The following CABS1 variants were observed in gnomAD, a reference collection of about 807,000 sequenced individuals.
The protein encoded by CABS1 is calcium-binding and spermatid-specific protein 1.
For missense variants in CABS1, 500 were observed against 464.3 expected (o/e 1.08, Z -0.71); for synonymous variants, 195 against 169.0 (o/e 1.15, Z -1.19).
At position 70,335,331 on chromosome 4, in the gene CABS1, T is replaced by A; in HGVS notation, c.292T>A (p.Ser98Thr). ...STTHLQKEIT[S>T]LTGTTNSITR... ...AACTCACCTACAGAAAGAAATTACC[T>A]CTCTGACTGGCACTACAAACTCCAT... is the stretch of plus-strand genomic sequence containing the variant. The change falls in exon 1 of 2, where the codon TCT becomes ACT. Residue 98 changes from serine to threonine, a missense_variant. By Grantham distance (58) the Ser-to-Thr change is moderately conservative. Coordinates refer to ENST00000273936, the MANE Select transcript of CABS1 (RefSeq NM_033122.4). 6.2e-7 allele frequency: 1 copy of A among 1,613,744 alleles called. No individual in the cohort carries two copies. The highest frequency in any genetic ancestry group is 8.5e-7 in the Non-Finnish European group (1 of 1,179,872).
chr4:70,336,347 G>A lies in CABS1; in HGVS notation c.*119+1G>A. ...AAATGAAAGAATGTGGGCATTTAAG[G>A]CAAGTATTCGACTCAATAAATGCAG... On this transcript the variant is annotated splice_donor_variant, in intron 1 of 1. Coordinates refer to ENST00000273936, the MANE Select transcript of CABS1 (RefSeq NM_033122.4). LOFTEE classifies it low-confidence loss of function (3UTR_SPLICE). 21 of 1,339,456 alleles carry A rather than the reference G, an allele frequency of 1.6e-5. No individual in the cohort carries two copies. Among genetic ancestry groups the A allele is most frequent in the Non-Finnish European group, 1.9e-5 (19 of 1,006,656 alleles). 83.0% of individuals were successfully genotyped at this position (1,339,456 alleles called of 1,614,324 possible).
rs1459651556 is a variant in CABS1, at chr4:70,335,484, A to T, written c.445A>T (p.Ile149Phe). The change falls in exon 1 of 2, where the codon ATT (isoleucine) becomes TTT (phenylalanine). Residue 149 changes from isoleucine (I) to phenylalanine (F), a missense_variant. Coordinates refer to ENST00000273936, the MANE Select transcript of CABS1 (RefSeq NM_033122.4). The stretch of plus-strand genomic sequence containing the variant: ...AAAAGAAGATATCCTCTTAGCTACC[A>T]TTGACACAGGAGATGCAGAGATCTC... ...IAKEDILLAT[I>F]DTGDAEISIT... 1 of 1,613,600 alleles carries T rather than the reference A, an allele frequency of 6.2e-7. No individual in the cohort carries two copies. The highest frequency in any genetic ancestry group is 8.5e-7 in the Non-Finnish European group (1 of 1,179,806).
In CABS1 at chr4:70,335,301, T is replaced by G; in HGVS notation, c.262T>G (p.Ser88Ala). 1 of 1,613,758 alleles carries G rather than the reference T, an allele frequency of 6.2e-7. No homozygotes were observed. Among genetic ancestry groups the G allele is most frequent in the Non-Finnish European group, 8.5e-7 (1 of 1,179,874 alleles). The change falls in exon 1 of 2, where the codon TCA (serine) becomes GCA (alanine). Residue 88 changes from serine to alanine, a missense_variant. Coordinates refer to ENST00000273936, the MANE Select transcript of CABS1 (RefSeq NM_033122.4). ...EDDMGTDFIK[S>A]TTHLQKEITS... ...TGATATGGGGACCGACTTTATTAAG[T>G]CAACAACTCACCTACAGAAAGAAAT...
Position 70,335,441 on chromosome 4 carries a change from T to G in CABS1, c.402T>G (p.Asp134Glu), listed in dbSNP as rs367634444. Residue 134 changes from aspartate (D) to glutamate (E), a missense_variant, in exon 1 of 2, where the codon GAT (aspartate) becomes GAG (glutamate). Asp to Glu is a conservative substitution (Grantham distance 45). Transcript: ENST00000273936. ...SSPVTTVSLI[D>E]FSTDIAKEDI... ...CAGTTACTACTGTTTCTTTAATAGA[T>G]TTTTCCACTGACATAGCAAAAGAAG... 12 of 1,613,556 alleles carry G rather than the reference T, an allele frequency of 7.4e-6. No individual in the cohort carries two copies. The African/African-American group carries it at 1.6e-4, about 22-fold the overall frequency.
rs1363758511 is a variant in CABS1, at chr4:70,335,783, A to C, written c.744A>C (p.Glu248Asp). The change falls in exon 1 of 2, where the codon GAA becomes GAC. Residue 248 changes from glutamate (E) to aspartate (D), a missense_variant. Transcript: ENST00000273936. ...CCGAAATTGACCTAAGTGTTTTAGAAGATGACACCAGTGCTGTGGCTACAT... is the reference window on the plus strand; with the variant it reads ...CCGAAATTGACCTAAGTGTTTTAGACGATGACACCAGTGCTGTGGCTACAT... The part of the protein sequence containing the change: ...KITEIDLSVL[E>D]DDTSAVATLT... 6.2e-7 allele frequency: 1 copy of C among 1,613,612 alleles called. No individual in the cohort carries two copies. The highest frequency in any genetic ancestry group is 8.5e-7 in the Non-Finnish European group (1 of 1,179,726).
In CABS1 at chr4:70,335,211, A is replaced by G; in HGVS notation, c.172A>G (p.Ser58Gly). The G allele has an allele frequency of 6.2e-7, 1 of 1,613,802 alleles. No homozygotes were observed. Among genetic ancestry groups the G allele is most frequent in the Non-Finnish European group, 8.5e-7 (1 of 1,179,844 alleles). ...TTCAGTAAATGAATATATGCTAGAA[A>G]GCGATTTTTCAACAACTACAGACAA... ...VTSVNEYMLE[S>G]DFSTTTDNKL... Residue 58 changes from serine to glycine, a missense_variant, in exon 1 of 2, where the codon AGC becomes GGC. Ser to Gly is a moderately conservative substitution (Grantham distance 56, BLOSUM62 0). Transcript: ENST00000273936.
rs1335060610 is a variant in CABS1 at position 70,335,290 on chromosome 4, A to C, written c.251A>C (p.Asp84Ala). 1.2e-6 allele frequency: 2 copies of C among 1,613,660 alleles called. No homozygotes were observed. The highest frequency in any genetic ancestry group is 1.7e-6 in the Non-Finnish European group (2 of 1,179,872). The change falls in exon 1 of 2, where the codon GAC (aspartate) becomes GCC (alanine). Residue 84 changes from aspartate (D) to alanine (A), a missense_variant. By Grantham distance (126) the Asp-to-Ala change is moderately radical. Transcript: ENST00000273936. ...KLKSEDDMGT[D>A]FIKSTTHLQK... ...AAATCAGAAGATGATATGGGGACCGACTTTATTAAGTCAACAACTCACCTA... is the reference window on the plus strand; with the variant it reads ...AAATCAGAAGATGATATGGGGACCGCCTTTATTAAGTCAACAACTCACCTA...
At position 70,335,452 on chromosome 4, in the gene CABS1, A is replaced by T. The variant is rs1343894782; in HGVS notation, c.413A>T (p.Asp138Val). ...GTTTCTTTAATAGATTTTTCCACTGACATAGCAAAAGAAGATATCCTCTTA... is the reference window on the plus strand; with the variant it reads ...GTTTCTTTAATAGATTTTTCCACTGTCATAGCAAAAGAAGATATCCTCTTA... ...TTVSLIDFST[D>V]IAKEDILLAT... The change falls in exon 1 of 2, where the codon GAC becomes GTC. Residue 138 changes from aspartate to valine, a missense_variant. Physicochemically the swap from Asp to Val is radical, Grantham distance 152. Transcript: ENST00000273936. 1.2e-6 allele frequency: 2 copies of T among 1,613,694 alleles called. No homozygotes were observed. The highest frequency in any genetic ancestry group is 1.7e-5 in the Admixed American group (1 of 59,960).
chr4:70,336,349 A>G lies in CABS1; in HGVS notation c.*119+3A>G. 7.5e-7 allele frequency: 1 copy of G among 1,337,508 alleles called. No homozygotes were observed. The highest frequency in any genetic ancestry group is 1.0e-6 in the Non-Finnish European group (1 of 1,003,746). The allele number at this position is 1,337,508 out of a possible 1,614,324, so 82.9% of individuals were successfully genotyped here. A position where few individuals can be genotyped will look rare whatever the true frequency, so the allele number is the denominator to read the frequency against. On this transcript the variant is annotated splice_donor_region_variant and intron_variant, in intron 1 of 1. Transcript: ENST00000273936. ...ATGAAAGAATGTGGGCATTTAAGGCAAGTATTCGACTCAATAAATGCAGAT... is the reference window on the plus strand; with the variant it reads ...ATGAAAGAATGTGGGCATTTAAGGCGAGTATTCGACTCAATAAATGCAGAT...
rs752166559 is a variant in CABS1 at position 70,335,838 on chromosome 4, G to C, written c.799G>C (p.Val267Leu). 3 of 1,613,564 alleles carry C rather than the reference G, an allele frequency of 1.9e-6. No homozygotes were observed. Among genetic ancestry groups the C allele is most frequent in the Non-Finnish European group, 2.5e-6 (3 of 1,179,736 alleles). The change falls in exon 1 of 2, where the codon GTG becomes CTG. Residue 267 changes from valine to leucine, a missense_variant. Physicochemically the swap from Val to Leu is conservative, Grantham distance 32. Transcript: ENST00000273936. ...LTDSDEKFIT[V>L]FELTTSAEKD... ...TGACTCTGATGAGAAGTTTATCACT[G>C]TGTTTGAACTCACTACCTCTGCTGA...
chr4:70,336,731 A>T (rs539001967), intron 1 of CABS1, among the ~76,000 whole-genome samples: 2 of 152,076 alleles, frequency 1.3e-5, no homozygotes, highest in Non-Finnish European at 2.9e-5. Context: ...CTTCTATTTA[A>T]AAAATTTTTA....
chr4:70,336,719 CTCT>C (rs1731736508), intron 1 of CABS1, among the ~76,000 whole-genome samples: 1 of 151,900 alleles, frequency 6.6e-6, no homozygotes, highest in South Asian at 2.1e-4. Context: ...ATCAGTGATT[CTCT>C]TCTATTTAAA....
Position 70,335,170 on chromosome 4 carries a change from AAGG to A in CABS1, c.134_136del (p.Gly45del). The A allele has an allele frequency of 6.2e-7, 1 of 1,613,844 alleles. No individual in the cohort carries two copies. The highest frequency in any genetic ancestry group is 8.5e-7 in the Non-Finnish European group (1 of 1,179,834). ...AAATCAGAAACAACTATTACTTCAG[AAGG>A]AGACCACGTCACTTCAGTAAATGAA... On this transcript the variant is annotated inframe_deletion, in exon 1 of 2. Coordinates refer to ENST00000273936, the MANE Select transcript of CABS1 (RefSeq NM_033122.4).
Position 70,335,535 on chromosome 4 carries a change from C to A in CABS1, c.496C>A (p.Leu166Ile). The change falls in exon 1 of 2, where the codon CTA becomes ATA. Residue 166 changes from leucine (L) to isoleucine (I), a missense_variant. Coordinates refer to ENST00000273936, the MANE Select transcript of CABS1 (RefSeq NM_033122.4). ...AATAACCTCTGAAGTCTCTGGCACA[C>A]TAAAGGACAGCAGTGCTGGTGTTGC... ...ISITSEVSGT[L>I]KDSSAGVADA... The A allele has an allele frequency of 6.2e-7, 1 of 1,613,674 alleles. No individual in the cohort carries two copies. Among genetic ancestry groups the A allele is most frequent in the Non-Finnish European group, 8.5e-7 (1 of 1,179,782 alleles).
In CABS1 at chr4:70,335,399, T is replaced by C; in HGVS notation, c.360T>C (p.Ile120=). The C allele has an allele frequency of 6.2e-7, 1 of 1,613,754 alleles. No homozygotes were observed. The highest frequency in any genetic ancestry group is 8.5e-7 in the Non-Finnish European group (1 of 1,179,822). The change falls in exon 1 of 2, where the codon ATT becomes ATC. Residue 120 remains isoleucine (I), a synonymous_variant. Transcript: ENST00000273936. ...SITEHFMPVK[I]GNISSPVTTV... is the part of the protein sequence containing the mutation. ...CCGAACATTTCATGCCAGTGAAAAT[T>C]GGGAATATTTCATCACCAGTTACTA... is the stretch of plus-strand genomic sequence containing the variant.
rs1462038109 is a variant in CABS1 at position 70,335,890 on chromosome 4, C to A, written c.851C>A (p.Thr284Asn). 1.2e-6 allele frequency: 2 copies of A among 1,613,586 alleles called. No homozygotes were observed. The highest frequency in any genetic ancestry group is 1.1e-5 in the South Asian group (1 of 91,070). Reference protein sequence around the residue: ...AEKDKDKREDTLLTDEETTEG... With the variant: ...AEKDKDKREDNLLTDEETTEG... ...AAAGACAAAGATAAACGGGAAGATACTCTGCTAACTGATGAAGAAACTACC... is the reference window on the plus strand; with the variant it reads ...AAAGACAAAGATAAACGGGAAGATAATCTGCTAACTGATGAAGAAACTACC... The change falls in exon 1 of 2, where the codon ACT becomes AAT. Residue 284 changes from threonine to asparagine, a missense_variant. Transcript: ENST00000273936.
intron 1 of CABS1, among the ~76,000 whole-genome samples, chr4:70,336,735 A>G (rs1458229742): frequency 6.6e-6 from 1 of 151,982 alleles, no homozygotes; most frequent in African/African-American, 2.4e-5. Flanking sequence ...TATTTAAAAA[A>G]TTTTTAATCC....
chr4:70,335,808 T>C lies in CABS1; in HGVS notation c.769T>C (p.Leu257=), dbSNP rs1485787459. The change falls in exon 1 of 2, where the codon TTA becomes CTA. Residue 257 remains leucine (L), a synonymous_variant. Transcript: ENST00000273936. ...LEDDTSAVAT[L]TDSDEKFITV... Reference sequence around the variant, plus strand: ...AGATGACACCAGTGCTGTGGCTACATTAACTGACTCTGATGAGAAGTTTAT... The same window carrying C: ...AGATGACACCAGTGCTGTGGCTACACTAACTGACTCTGATGAGAAGTTTAT... 3.1e-6 allele frequency: 5 copies of C among 1,613,610 alleles called. No homozygotes were observed. The South Asian group carries it at 4.4e-5, about 14-fold the overall frequency.
rs756768887 is a variant in CABS1, at chr4:70,337,115, G to A, written c.*269G>A. 3 of 152,152 alleles carry A rather than the reference G, an allele frequency of 2.0e-5. No individual in the cohort carries two copies. Among genetic ancestry groups the A allele is most frequent in the Non-Finnish European group, 4.4e-5 (3 of 67,854 alleles). 9.4% of individuals were successfully genotyped at this position (152,152 alleles called of 1,614,324 possible). A position where few individuals can be genotyped will look rare whatever the true frequency, so the allele number is the denominator to read the frequency against. On this transcript the variant is annotated 3_prime_UTR_variant, in exon 2 of 2. Coordinates refer to ENST00000273936, the MANE Select transcript of CABS1 (RefSeq NM_033122.4). ...CAATAAATCTTTTTGGCAAGCAACTGATTTACTGTGTGTAGGTGTGTTTGA... is the reference window on the plus strand; with the variant it reads ...CAATAAATCTTTTTGGCAAGCAACTAATTTACTGTGTGTAGGTGTGTTTGA...
Sources: gnomAD v4.1 joint callset for allele counts (sites outside exome capture counted in the v4.1 genomes callset) on GRCh38, gnomAD v4.1.1 for gene constraint, MANE v1.5 for transcripts, NCBI Gene and HGNC (gene_info 2026-07-23, HGNC 2026-07-21) for gene names.